The following KATNIP variants were observed in gnomAD, a reference collection of about 807,000 sequenced individuals.
The protein encoded by KATNIP is katanin interacting protein.
A neutral mutation model predicts 174.0 loss-of-function variants in KATNIP; 126 were observed. That is an observed-to-expected ratio of 0.72 (90% CI 0.63 to 0.84). The LOEUF (loss-of-function observed/expected upper bound fraction) is 0.84. KATNIP is among the 40% of genes least tolerant of loss of function. KATNIP has a pLI of 0.00. For missense variants in KATNIP, 1,958 were observed against 2,109.7 expected (o/e 0.93, Z 1.41); for synonymous variants, 810 against 835.7 (o/e 0.97, Z 0.53).
At chr16:27,616,097 T>C (rs1158454622) in intron 2 of KATNIP, among the ~76,000 whole-genome samples, 1 of 152,116 alleles carries the variant, frequency 6.6e-6, no homozygotes, top group Non-Finnish European at 1.5e-5. Context: ...ATTGGCCAGG[T>C]GCGGTGGCTC....
chr16:27,553,800 A>G (rs951451171), intron 1 of KATNIP, among the ~76,000 whole-genome samples: 5 of 151,942 alleles, frequency 3.3e-5, no homozygotes, highest in African/African-American at 1.2e-4. Context: ...GTGAGACCCC[A>G]TCTCTGTAAA....
At chr16:27,638,382 G>A in intron 5 of KATNIP, among the ~76,000 whole-genome samples, 1 of 152,210 alleles carries the variant, frequency 6.6e-6, no homozygotes, top group South Asian at 2.1e-4. Flanking sequence ...CTGGCTCCAA[G>A]AAGTGGAGTT....
chr16:27,766,411 C>T lies in KATNIP; in HGVS notation c.3912C>T (p.Ala1304=), dbSNP rs936742127. 1.7e-5 allele frequency: 27 copies of T among 1,613,968 alleles called. No homozygotes were observed. Among genetic ancestry groups the T allele is most frequent in the East Asian group, 6.7e-5 (3 of 44,890 alleles). The change falls in exon 20 of 28, where the codon GCC becomes GCT. Residue 1304 remains alanine, a synonymous_variant. Transcript: ENST00000261588. ...DHVVTIRLDR[A]ESIAGLRFWN... ...TGGTCACGATCCGCCTGGACAGGGCCGAAAGCATCGCAGGCCTGCGCTTCT... is the reference window on the plus strand; with the variant it reads ...TGGTCACGATCCGCCTGGACAGGGCTGAAAGCATCGCAGGCCTGCGCTTCT...
At chr16:27,616,826 G>C (rs2076051122) in intron 2 of KATNIP, among the ~76,000 whole-genome samples, 1 of 133,928 alleles carries the variant, frequency 7.5e-6, no homozygotes, top group Admixed American at 8.7e-5. Context: ...AAGGCAGGAG[G>C]ATCACTTGAG....
chr16:27,697,445 T>C (rs78023260), intron 8 of KATNIP, among the ~76,000 whole-genome samples: 1,776 of 152,242 alleles, frequency 0.012, 47 homozygotes, highest in African/African-American at 0.04. Context: ...GTTGGATGCA[T>C]GTCTTGATAA....
chr16:27,702,039 A>C (rs1757392844), intron 11 of KATNIP, among the ~76,000 whole-genome samples: 1 of 152,032 alleles, frequency 6.6e-6, no homozygotes, highest in African/African-American at 2.4e-5. Context: ...CAGTCCACCC[A>C]CCTCGGCCTC....
rs116328954 is a variant in KATNIP at position 27,599,911 on chromosome 16, C to T, written c.64-18514C>T. Among the ~76,000 whole-genome samples the T allele has an allele frequency of 5.4e-3, 829 of 152,314 alleles. 13 individuals are homozygous for T. The highest frequency in any genetic ancestry group is 0.019 in the African/African-American group (792 of 41,566). On this transcript the variant is annotated intron_variant, in intron 2 of 27. Transcript: ENST00000261588. ...CTCATGTGCGTCTGCTGCCTTAGCA[C>T]GCCTCCACTTTGCTTTGAGCACTCT...
intron 23 of KATNIP, among the ~76,000 whole-genome samples, chr16:27,774,655 C>T (rs945816268): frequency 1.3e-5 from 2 of 152,194 alleles, no homozygotes; most frequent in African/African-American, 4.8e-5. Flanking sequence ...CAACATTTTA[C>T]GTCCCCAGCT....
chr16:27,560,785 T>C (rs1437144169), intron 1 of KATNIP, among the ~76,000 whole-genome samples: 1 of 152,152 alleles, frequency 6.6e-6, no homozygotes, highest in Non-Finnish European at 1.5e-5. Flanking sequence ...TCTTTGAGGG[T>C]AGAGACTCAC....
At chr16:27,684,333 C>T (rs964282787) in intron 8 of KATNIP, among the ~76,000 whole-genome samples, 3 of 152,212 alleles carry the variant, frequency 2.0e-5, no homozygotes, top group African/African-American at 7.2e-5. Flanking sequence ...CTCTTAATTA[C>T]TCCACTATAA....
Position 27,732,222 on chromosome 16 carries a change from A to G in KATNIP, c.1744-7819A>G, listed in dbSNP as rs538474403. On this transcript the variant is annotated intron_variant, in intron 14 of 27. Coordinates refer to ENST00000261588, the MANE Select transcript of KATNIP (RefSeq NM_015202.5). ...TCCTGAGTCTGTGATGCTGGGTGGG[A>G]CACGGCATGGTCTTCCCAGAGTGTG... Among the ~76,000 whole-genome samples the G allele has an allele frequency of 2.6e-5, 4 of 152,322 alleles. No individual in the cohort carries two copies. The East Asian group carries it at 7.7e-4, about 29-fold the overall frequency.
intron 2 of KATNIP, among the ~76,000 whole-genome samples, chr16:27,587,710 CAT>C (rs2090952507): frequency 6.6e-6 from 1 of 152,150 alleles, no homozygotes; most frequent in Non-Finnish European, 1.5e-5. Flanking sequence ...TTGAATATCT[CAT>C]GTAATTTATT....
In KATNIP at chr16:27,574,054, T is replaced by C; in HGVS notation, c.63+98T>C. The C allele has an allele frequency of 1.1e-5, 12 of 1,045,210 alleles. No individual in the cohort carries two copies. In the South Asian group the frequency reaches 1.5e-4, roughly 13 times the overall value. 64.7% of individuals were successfully genotyped at this position (1,045,210 alleles called of 1,614,324 possible). On this transcript the variant is annotated intron_variant, in intron 2 of 27. Coordinates refer to ENST00000261588, the MANE Select transcript of KATNIP (RefSeq NM_015202.5). ...ATAAGTGTCCCTAAATATACTCTTT[T>C]CTCTTGGGGTCCCAAGCTTGAATCC...
intron 8 of KATNIP, among the ~76,000 whole-genome samples, chr16:27,681,765 C>T (rs191836414): frequency 7.0e-4 from 106 of 152,260 alleles, no homozygotes; most frequent in Non-Finnish European, 8.2e-4. Context: ...GGAGCGAGTG[C>T]GCTGTGCAGG....
chr16:27,555,750 C>T (rs993834675), intron 1 of KATNIP, among the ~76,000 whole-genome samples: 5 of 151,056 alleles, frequency 3.3e-5, no homozygotes, highest in South Asian at 2.1e-4. Flanking sequence ...GCAGGAGAAT[C>T]GCTTGAATCT....
intron 9 of KATNIP, among the ~76,000 whole-genome samples, chr16:27,699,297 A>T (rs1351658361): frequency 3.3e-5 from 5 of 152,160 alleles, no homozygotes; most frequent in Admixed American, 2.0e-4. Flanking sequence ...CTGCAAGCCC[A>T]GGGCCCTGTC....
intron 13 of KATNIP, 60 bp downstream of exon 13, chr16:27,708,980 C>G: frequency 1.4e-6 from 2 of 1,379,684 alleles, no homozygotes; most frequent in Non-Finnish European, 2.0e-6. Flanking sequence ...TTTTCTCTGC[C>G]CTTGGTAAAT....
At chr16:27,670,657 C>G (rs2077862559) in intron 6 of KATNIP, among the ~76,000 whole-genome samples, 1 of 152,080 alleles carries the variant, frequency 6.6e-6, no homozygotes, top group Non-Finnish European at 1.5e-5. Flanking sequence ...ACATGTGTTC[C>G]AGGGATAGAG....
At chr16:27,675,816 C>G (rs1051422251) in intron 6 of KATNIP, among the ~76,000 whole-genome samples, 5 of 152,110 alleles carry the variant, frequency 3.3e-5, no homozygotes, top group Non-Finnish European at 7.4e-5. Flanking sequence ...ACAAGGGACT[C>G]CTCTGCAAAT....
Sources: gnomAD v4.1 joint callset for allele counts (sites outside exome capture counted in the v4.1 genomes callset) on GRCh38, gnomAD v4.1.1 for gene constraint, MANE v1.5 for transcripts, NCBI Gene and HGNC (gene_info 2026-07-23, HGNC 2026-07-21) for gene names.